AUTS2: variants seen among roughly 807,000 people sequenced by gnomAD.
AUTS2 encodes the protein activator of transcription and developmental regulator AUTS2.
In AUTS2, 17 loss-of-function variants were observed where a neutral mutation model predicts 112.4. The ratio of observed to expected loss-of-function variants is 0.15; its 90% CI spans 0.10 to 0.23. The LOEUF is 0.23. AUTS2 is among the 10% of genes least tolerant of loss of function. AUTS2 has a pLI of 1.00. For synonymous variants in AUTS2, 751 were observed against 702.7 expected (o/e 1.07, Z -1.09); for missense variants, 1,510 against 1,701.6 (o/e 0.89, Z 1.98).
intron 4 of AUTS2, among the ~76,000 whole-genome samples, chr7:70,254,596 TG>T (rs1256281069): frequency 6.6e-6 from 1 of 152,222 alleles, no homozygotes; most frequent in East Asian, 1.9e-4. Flanking sequence ...CATGTTCCAA[TG>T]TCACCATTCC....
intron 5 of AUTS2, among the ~76,000 whole-genome samples, chr7:70,634,502 C>T (rs17141917): frequency 0.4 from 61,161 of 151,998 alleles, 12,704 homozygotes; most frequent in East Asian, 0.59. Context: ...TTAAGCTGCA[C>T]GGGCTGGACC....
chr7:69,882,937 G>A (rs73429426), intron 1 of AUTS2, among the ~76,000 whole-genome samples: 1,550 of 152,278 alleles, frequency 0.01, 38 homozygotes, highest in African/African-American at 0.035. Context: ...CAGTCAGGAA[G>A]AGGAATTCCT....
intron 4 of AUTS2, among the ~76,000 whole-genome samples, chr7:70,142,449 G>C (rs1466505961): frequency 6.6e-6 from 1 of 152,190 alleles, no homozygotes; most frequent in Non-Finnish European, 1.5e-5. Context: ...AGGAATGCAA[G>C]GCCATAGTGC....
At chr7:70,316,399 A>ATTTT (rs398005114) in intron 4 of AUTS2, among the ~76,000 whole-genome samples, 4 of 92,750 alleles carry the variant, frequency 4.3e-5, no homozygotes, top group East Asian at 3.1e-4. Context: ...CCAGGTCTCT[A>ATTTT]TTTTTTTTTT....
chr7:70,778,742 A>G (rs1054912453), intron 14 of AUTS2, among the ~76,000 whole-genome samples: 5 of 152,138 alleles, frequency 3.3e-5, no homozygotes, highest in African/African-American at 1.2e-4. Flanking sequence ...GGGGAAGTTT[A>G]ATTGGAAGCC....
At chr7:70,781,973 C>T (rs1014616194) in intron 15 of AUTS2, 5 of 582,190 alleles carry the variant, frequency 8.6e-6, no homozygotes, top group Non-Finnish European at 1.5e-5. Context: ...TCATCTTTCC[C>T]TTACAGGGAT....
chr7:69,840,339 A>T (rs1562920633), intron 1 of AUTS2, among the ~76,000 whole-genome samples: 1 of 152,194 alleles, frequency 6.6e-6, no homozygotes, highest in Non-Finnish European at 1.5e-5. Flanking sequence ...GCTTGAGCTT[A>T]TTAATAGCTG....
chr7:70,511,307 A>T (rs752594159), intron 5 of AUTS2, among the ~76,000 whole-genome samples: 21 of 152,080 alleles, frequency 1.4e-4, no homozygotes, highest in Non-Finnish European at 2.8e-4. Context: ...GAAATCCACC[A>T]TGCCACACCG....
At chr7:70,183,009 C>T (rs1039520304) in intron 4 of AUTS2, among the ~76,000 whole-genome samples, 3 of 152,058 alleles carry the variant, frequency 2.0e-5, no homozygotes, top group Non-Finnish European at 4.4e-5. Flanking sequence ...ACTGTGTCCG[C>T]GTTTCCATTT....
At chr7:70,373,934 CATGA>C (rs977631107) in intron 4 of AUTS2, among the ~76,000 whole-genome samples, 8 of 151,988 alleles carry the variant, frequency 5.3e-5, no homozygotes, top group Non-Finnish European at 1.2e-4. Context: ...AGCATATTCC[CATGA>C]ATGGTCTATA....
chr7:70,542,944 A>G (rs1376119505), intron 5 of AUTS2, among the ~76,000 whole-genome samples: 1 of 152,156 alleles, frequency 6.6e-6, no homozygotes, highest in Non-Finnish European at 1.5e-5. Context: ...AAAAAAATAG[A>G]TTCAGTTCCA....
intron 5 of AUTS2, among the ~76,000 whole-genome samples, chr7:70,597,314 C>G (rs1044734828): frequency 6.6e-6 from 1 of 152,208 alleles, no homozygotes; most frequent in African/African-American, 2.4e-5. Context: ...TACCAGAGCT[C>G]CCTCTCTCCT....
intron 4 of AUTS2, among the ~76,000 whole-genome samples, chr7:70,303,619 G>A (rs926827733): frequency 2.0e-5 from 3 of 152,116 alleles, no homozygotes; most frequent in African/African-American, 4.8e-5. Context: ...CCCCTTGTGG[G>A]TTACAGTAGT....
chr7:69,845,030 A>T (rs546530449), intron 1 of AUTS2, among the ~76,000 whole-genome samples: 1 of 152,328 alleles, frequency 6.6e-6, no homozygotes, highest in African/African-American at 2.4e-5. Flanking sequence ...TGGCAAGAAG[A>T]TGGGAATAGG....
chr7:70,624,000 C>T (rs994999468), intron 5 of AUTS2, among the ~76,000 whole-genome samples: 4 of 152,208 alleles, frequency 2.6e-5, no homozygotes, highest in Middle Eastern at 3.2e-3. Flanking sequence ...GTCGCTGTCT[C>T]CTTCCATCAG....
At chr7:70,350,927 G>C (rs1336021296) in intron 4 of AUTS2, among the ~76,000 whole-genome samples, 1 of 151,624 alleles carries the variant, frequency 6.6e-6, no homozygotes, top group Non-Finnish European at 1.5e-5. Context: ...CTATGTCTTT[G>C]ACTGTTGTTT....
At chr7:70,389,504 T>C (rs560423429) in intron 4 of AUTS2, among the ~76,000 whole-genome samples, 21 of 152,142 alleles carry the variant, frequency 1.4e-4, no homozygotes, top group Non-Finnish European at 2.8e-4. Flanking sequence ...TGGAAGGAGG[T>C]GGGTGACTCT....
At chr7:70,430,792 T>TTATG (rs1388620397) in intron 4 of AUTS2, among the ~76,000 whole-genome samples, 5 of 151,860 alleles carry the variant, frequency 3.3e-5, no homozygotes, top group Admixed American at 1.3e-4. Flanking sequence ...TTTAATTAGA[T>TTATG]TATGTTACAA....
chr7:70,003,420 T>TATAA (rs1184525914), intron 2 of AUTS2, among the ~76,000 whole-genome samples: 2 of 110,908 alleles, frequency 1.8e-5, no homozygotes, highest in African/African-American at 7.9e-5. Context: ...TATGAATATG[T>TATAA]TATATATGAA....
Sources: gnomAD v4.1 joint callset for allele counts (sites outside exome capture counted in the v4.1 genomes callset) on GRCh38, gnomAD v4.1.1 for gene constraint, MANE v1.5 for transcripts, NCBI Gene and HGNC (gene_info 2026-07-23, HGNC 2026-07-21) for gene names.